The following MACROD2 variants were observed in gnomAD, a reference collection of about 807,000 sequenced individuals.
The protein encoded by MACROD2 is ADP-ribose glycohydrolase MACROD2.
Under a neutral mutation model 70.4 loss-of-function variants are expected in MACROD2, and 36 were observed. The observed-to-expected ratio is 0.51, with a 90% CI of 0.39 to 0.68. The LOEUF (loss-of-function observed/expected upper bound fraction) is 0.68. Ranked by LOEUF, MACROD2 falls within the 30% of genes least tolerant of loss-of-function variation. MACROD2 has a pLI of 0.00. For synonymous variants in MACROD2, 172 were observed against 178.8 expected (o/e 0.96, Z 0.30); for missense variants, 496 against 538.4 (o/e 0.92, Z 0.78).
intron 5 of MACROD2, among the ~76,000 whole-genome samples, chr20:14,781,718 A>T (rs1436936670): frequency 2.0e-5 from 3 of 151,866 alleles, no homozygotes; most frequent in Non-Finnish European, 4.4e-5. Flanking sequence ...TAGGCATAGA[A>T]GTGTACAAAT....
chr20:14,516,743 C>T (rs1297545408), intron 4 of MACROD2, among the ~76,000 whole-genome samples: 1 of 151,922 alleles, frequency 6.6e-6, no homozygotes. Context: ...CATGATGGCT[C>T]CAGCTTTGAC....
chr20:15,220,680 T>C (rs968919461), intron 5 of MACROD2, among the ~76,000 whole-genome samples: 1 of 152,208 alleles, frequency 6.6e-6, no homozygotes, highest in East Asian at 1.9e-4. Flanking sequence ...TAGAGGAATT[T>C]ATGGATCTCA....
intron 5 of MACROD2, among the ~76,000 whole-genome samples, chr20:14,968,357 CAATT>C (rs2074657896): frequency 6.6e-6 from 1 of 152,080 alleles, no homozygotes; most frequent in Admixed American, 6.5e-5. Flanking sequence ...ATTTGTCACT[CAATT>C]GATTGTACTC....
At chr20:14,251,650 C>T (rs925533046) in intron 3 of MACROD2, among the ~76,000 whole-genome samples, 6 of 152,024 alleles carry the variant, frequency 3.9e-5, no homozygotes, top group African/African-American at 1.2e-4. Context: ...AAAATGTCTG[C>T]CTCTGAAGCC....
At chr20:15,518,722 C>T (rs1010701727) in intron 8 of MACROD2, among the ~76,000 whole-genome samples, 4 of 152,118 alleles carry the variant, frequency 2.6e-5, no homozygotes, top group Non-Finnish European at 5.9e-5. Context: ...CTTATGGCCA[C>T]GTGCGGTGGC....
intron 5 of MACROD2, among the ~76,000 whole-genome samples, chr20:14,815,944 C>T (rs1331713176): frequency 4.6e-5 from 7 of 151,874 alleles, no homozygotes; most frequent in African/African-American, 7.3e-5. Flanking sequence ...TTTGACTCTT[C>T]GTGTCTAATA....
At chr20:14,272,817 A>G (rs36127123) in intron 3 of MACROD2, among the ~76,000 whole-genome samples, 55,709 of 152,046 alleles carry the variant, frequency 0.37, 12,248 homozygotes, top group Non-Finnish European at 0.49. Flanking sequence ...AAGCAAATGT[A>G]AAACAAAAAA....
intron 8 of MACROD2, among the ~76,000 whole-genome samples, chr20:15,847,634 G>T (rs74668272): frequency 6.6e-6 from 1 of 152,100 alleles, no homozygotes; most frequent in Non-Finnish European, 1.5e-5. Context: ...AGCAGCAGAC[G>T]TTATATAACA....
At chr20:14,650,864 G>T (rs866869217) in intron 4 of MACROD2, among the ~76,000 whole-genome samples, 17 of 152,258 alleles carry the variant, frequency 1.1e-4, no homozygotes, top group Middle Eastern at 6.8e-3. Flanking sequence ...CATGTCATTT[G>T]GTCTATGATA....
rs376930710 is a variant in MACROD2, at chr20:14,325,600, T to C, written c.272-167879T>C. On this transcript the variant is annotated intron_variant, in intron 3 of 17. Coordinates refer to ENST00000684519, the MANE Select transcript of MACROD2 (RefSeq NM_001351661.2). ...TGAGTCTGGAATACCACTGTCTCTG[T>C]AGCTTCGGTTACTACTGCTTTCACT... 1.9e-5 allele frequency: 30 copies of C among 1,613,252 alleles called. No individual in the cohort carries two copies. The highest frequency in any genetic ancestry group is 2.7e-5 in the African/African-American group (2 of 74,876).
Position 15,771,329 on chromosome 20 carries a change from C to A in MACROD2, c.646-91416C>A, listed in dbSNP as rs530081457. ...AGCTGGGACTATAGGCACACACCAC[C>A]ACACCTGGCTAATTATTATTATTAT... On this transcript the variant is annotated intron_variant, in intron 8 of 17. Transcript: ENST00000684519. Among the ~76,000 whole-genome samples, 8 of 151,182 alleles carry A rather than the reference C, an allele frequency of 5.3e-5. No homozygotes were observed. In the South Asian group the frequency reaches 1.7e-3, roughly 31 times the overall value.
intron 4 of MACROD2, among the ~76,000 whole-genome samples, chr20:14,516,595 A>G (rs1201092002): frequency 1.3e-5 from 2 of 152,164 alleles, no homozygotes; most frequent in African/African-American, 2.4e-5. Context: ...CAGGTTTGTC[A>G]AAGATCAGAT....
chr20:15,812,601 G>T (rs1373379571), intron 8 of MACROD2, among the ~76,000 whole-genome samples: 1 of 151,918 alleles, frequency 6.6e-6, no homozygotes, highest in Non-Finnish European at 1.5e-5. Flanking sequence ...TCAAAAGTCT[G>T]CATCCTTGCA....
At chr20:15,752,533 T>C (rs898692958) in intron 8 of MACROD2, among the ~76,000 whole-genome samples, 2 of 152,138 alleles carry the variant, frequency 1.3e-5, no homozygotes, top group South Asian at 2.1e-4. Flanking sequence ...ACCTGCCCAC[T>C]CTTTGTACCA....
chr20:15,689,504 AAGG>A (rs910031409), intron 8 of MACROD2, among the ~76,000 whole-genome samples: 1 of 152,236 alleles, frequency 6.6e-6, no homozygotes, highest in Non-Finnish European at 1.5e-5. Flanking sequence ...CAAAGATCTG[AAGG>A]AGAAGGTTAT....
At chr20:15,904,880 CAAAAAAAAAAAAAAAA>C (rs10556594) in intron 10 of MACROD2, among the ~76,000 whole-genome samples, 1 of 129,050 alleles carries the variant, frequency 7.7e-6, no homozygotes, top group Non-Finnish European at 1.6e-5. Flanking sequence ...GACTCTGTCT[CAAAAAAAAAAAAAAAA>C]AAAAAAAAGA....
chr20:15,900,993 C>A (rs899102661), intron 10 of MACROD2, among the ~76,000 whole-genome samples: 1 of 152,172 alleles, frequency 6.6e-6, no homozygotes, highest in Non-Finnish European at 1.5e-5. Flanking sequence ...GAATTTGAAA[C>A]AAGAAGAGCT....
chr20:15,015,401 A>C (rs1015665294), intron 5 of MACROD2, among the ~76,000 whole-genome samples: 3 of 151,982 alleles, frequency 2.0e-5, no homozygotes, highest in Admixed American at 2.0e-4. Flanking sequence ...TTAAAACTGT[A>C]CTGTGACTTT....
chr20:14,046,923 T>TG (rs2053485729), intron 2 of MACROD2, among the ~76,000 whole-genome samples: 2 of 151,950 alleles, frequency 1.3e-5, no homozygotes, highest in South Asian at 4.1e-4. Flanking sequence ...CTCTAACAAA[T>TG]GGAAAATGGG....
Sources: allele counts gnomAD v4.1 joint callset (sites outside exome capture counted in the v4.1 genomes callset), GRCh38; gene constraint gnomAD v4.1.1; transcripts MANE v1.5; gene names NCBI Gene and HGNC (gene_info 2026-07-23, HGNC 2026-07-21).